RASA3: variants seen among roughly 807,000 people sequenced by gnomAD.
RASA3 encodes RAS p21 protein activator 3.
A neutral mutation model predicts 110.0 loss-of-function variants in RASA3; 73 were observed. That is an observed-to-expected ratio of 0.66 (90% confidence interval 0.55 to 0.81). The LOEUF is 0.81. Among genes scored for constraint, RASA3 ranks in the 30% least tolerant of loss-of-function variants. The pLI, the probability that RASA3 is intolerant of heterozygous loss-of-function variation, is 0.00. For synonymous variants in RASA3, 500 were observed against 451.4 expected, an observed-to-expected ratio of 1.11 and a Z score of -1.37; for missense variants, 976 against 1,113.2, an observed-to-expected ratio of 0.88 and a Z score of 1.75.
intron 1 of RASA3, among the ~76,000 whole-genome samples, chr13:114,081,793 C>G (rs922441886): frequency 6.6e-6 from 1 of 152,150 alleles, no homozygotes; most frequent in Admixed American, 6.5e-5. Context: ...ATGAAGCCGC[C>G]CTTCTGAGTT....
chr13:113,989,475 C>G (rs574590320), intron 22 of RASA3, among the ~76,000 whole-genome samples: 1 of 149,262 alleles, frequency 6.7e-6, no homozygotes, highest in East Asian at 2.0e-4. Flanking sequence ...ATCTGTCCAT[C>G]CACCATCACT....
At chr13:114,038,850 G>A (rs971420638) in intron 4 of RASA3, among the ~76,000 whole-genome samples, 2 of 152,302 alleles carry the variant, frequency 1.3e-5, no homozygotes, top group African/African-American at 2.4e-5. Context: ...CTGAACTTGC[G>A]GGCACAGAGC....
chr13:114,104,845 C>T (rs2080112206), intron 1 of RASA3, among the ~76,000 whole-genome samples: 1 of 151,284 alleles, frequency 6.6e-6, no homozygotes, highest in Non-Finnish European at 1.5e-5. Flanking sequence ...ACCCCTCCCT[C>T]CCCACACACA....
At position 114,016,550 on chromosome 13, in the gene RASA3, C is replaced by T. The variant is rs899691953; in HGVS notation, c.1207-279G>A. Among the ~76,000 whole-genome samples the T allele has an allele frequency of 1.1e-4, 16 of 152,196 alleles. No homozygotes were observed. The East Asian group carries it at 3.1e-3, about 29-fold the overall frequency. On this transcript the variant is annotated intron_variant, in intron 12 of 23. Coordinates refer to ENST00000334062, the MANE Select transcript of RASA3 (RefSeq NM_007368.4). ...GGACAAGTGAGAGGTCAGGCGCAAA[C>T]ACTAGGCACGGGGCCCAGTCCATGG...
chr13:114,115,973 C>T lies in RASA3; in HGVS notation c.55+16462G>A, dbSNP rs1027457539. Among the ~76,000 whole-genome samples, 6 of 152,166 alleles carry T rather than the reference C, an allele frequency of 3.9e-5. No homozygotes were observed. The highest frequency in any genetic ancestry group is 2.9e-5 in the Non-Finnish European group (2 of 68,034). On this transcript the variant is annotated intron_variant, in intron 1 of 23. Transcript: ENST00000334062. This position sits in a 1 kb window ranked among gnomAD's most constrained non-coding sequence, Gnocchi z 5.0. ...AGGCGTCTGCAGTTGAGGCGGGTGA[C>T]GTTCTGGGGTCCCTGGGAAGTTGTC...
intron 6 of RASA3, among the ~76,000 whole-genome samples, 193 bp from the exon 7 acceptor site, chr13:114,027,654 A>G (rs993330324): frequency 6.6e-6 from 1 of 152,236 alleles, no homozygotes; most frequent in African/African-American, 2.4e-5. Context: ...CCCAGCGTGA[A>G]GAGCATGAAG....
chr13:114,051,612 A>T (rs536262036), intron 3 of RASA3, among the ~76,000 whole-genome samples: 1 of 152,298 alleles, frequency 6.6e-6, no homozygotes, highest in Non-Finnish European at 1.5e-5. Context: ...CCAGGGGGAA[A>T]CTGAGGCAAC....
intron 2 of RASA3, among the ~76,000 whole-genome samples, chr13:114,054,950 G>A (rs1431487120): frequency 6.6e-6 from 1 of 152,158 alleles, no homozygotes; most frequent in Non-Finnish European, 1.5e-5. Flanking sequence ...ACAGGCATGT[G>A]TGTGTGGGTG....
At chr13:113,982,322 C>A (rs2052955240) in intron 22 of RASA3, among the ~76,000 whole-genome samples, 1 of 152,216 alleles carries the variant, frequency 6.6e-6, no homozygotes, top group African/African-American at 2.4e-5. Context: ...ACATTTCACA[C>A]CCAGCTGCCA....
intron 1 of RASA3, 102 bp from the exon 2 acceptor site, chr13:114,073,939 C>T (rs1421068434): frequency 9.7e-7 from 1 of 1,032,796 alleles, no homozygotes; most frequent in Non-Finnish European, 1.5e-6. Flanking sequence ...CATTCACTAG[C>T]TCTCTATAAA....
rs1193142839 is a variant in RASA3 at position 114,011,917 on chromosome 13, T to G, written c.1513-669A>C. ...AGCCTGGTGACAGAGCAAGACTCTG[T>G]CTCAAAAAAAAAGAAGTGCTGGGGA... is the stretch of plus-strand genomic sequence containing the variant. On this transcript the variant is annotated intron_variant, in intron 15 of 23. Coordinates refer to ENST00000334062, the MANE Select transcript of RASA3 (RefSeq NM_007368.4). The surrounding 1 kb of genome is among the most constrained non-coding windows in gnomAD (Gnocchi z 4.8). Among the ~76,000 whole-genome samples, 1 of 150,920 alleles carries G rather than the reference T, an allele frequency of 6.6e-6. No individual in the cohort carries two copies. Among genetic ancestry groups the G allele is most frequent in the African/African-American group, 2.4e-5 (1 of 40,894 alleles).
chr13:114,068,417 C>T (rs1287401680), intron 2 of RASA3, among the ~76,000 whole-genome samples: 3 of 152,216 alleles, frequency 2.0e-5, no homozygotes, highest in East Asian at 3.9e-4. Context: ...CACGTCCTTA[C>T]GTGGATGGAA....
chr13:114,058,136 C>A (rs1260393817), intron 2 of RASA3, among the ~76,000 whole-genome samples: 1 of 152,140 alleles, frequency 6.6e-6, no homozygotes, highest in African/African-American at 2.4e-5. Context: ...GGGGCGAGGA[C>A]CGGGATCATC....
intron 18 of RASA3, among the ~76,000 whole-genome samples, chr13:114,002,816 G>A (rs928170802): frequency 1.3e-5 from 2 of 152,182 alleles, no homozygotes; most frequent in African/African-American, 4.8e-5. Flanking sequence ...CGTGTGGGAC[G>A]GGGAGGCAGG....
At position 114,102,858 on chromosome 13, in the gene RASA3, G is replaced by A. The variant is rs557968055; in HGVS notation, c.56-29021C>T. Among the ~76,000 whole-genome samples the A allele has an allele frequency of 2.3e-4, 35 of 152,310 alleles. No homozygotes were observed. The East Asian group carries it at 5.6e-3, about 24-fold the overall frequency. On this transcript the variant is annotated intron_variant, in intron 1 of 23. Transcript: ENST00000334062. ...CTGGGGACGACGGGAAGACCAAGTC[G>A]TCTGTATAATCGCCGTGGGCGCAGC... is the stretch of plus-strand genomic sequence containing the variant.
intron 4 of RASA3, among the ~76,000 whole-genome samples, chr13:114,031,688 T>C (rs1360711948): frequency 6.6e-6 from 1 of 152,172 alleles, no homozygotes; most frequent in Non-Finnish European, 1.5e-5. Context: ...TCCCTGTATT[T>C]GCTCCAGCCT....
intron 3 of RASA3, among the ~76,000 whole-genome samples, chr13:114,043,531 A>C (rs933460117): frequency 6.6e-6 from 1 of 152,060 alleles, no homozygotes; most frequent in African/African-American, 2.4e-5. Flanking sequence ...ACAGGCACTC[A>C]TGGGTTCCTA....
At chr13:114,079,579 T>C (rs187802732) in intron 1 of RASA3, among the ~76,000 whole-genome samples, 4 of 152,338 alleles carry the variant, frequency 2.6e-5, no homozygotes, top group Admixed American at 2.6e-4. Flanking sequence ...CCCGTCTACT[T>C]TGGGCTATTT....
rs761256635 is a variant in RASA3, at chr13:113,979,404, G to A, written c.2448C>T (p.Asp816=). 4 of 1,603,628 alleles carry A rather than the reference G, an allele frequency of 2.5e-6. No individual in the cohort carries two copies. Among genetic ancestry groups the A allele is most frequent in the Non-Finnish European group, 3.4e-6 (4 of 1,170,636 alleles). ...KYGSQEHPIG[D]KSFQNYIRQQ... is the part of the protein sequence containing the mutation. ...GCCGGATGTAGTTCTGGAAGCTCTTGTCTCCGATGGGGTGCTCCCTGAAAA... is the reference window on the plus strand; with the variant it reads ...GCCGGATGTAGTTCTGGAAGCTCTTATCTCCGATGGGGTGCTCCCTGAAAA... The change falls in exon 24 of 24, where the codon GAC becomes GAT. Residue 816 remains aspartate (D), a synonymous_variant. Coordinates refer to ENST00000334062, the MANE Select transcript of RASA3 (RefSeq NM_007368.4).
Sources: allele counts gnomAD v4.1 joint callset (sites outside exome capture counted in the v4.1 genomes callset), GRCh38; gene constraint gnomAD v4.1.1; non-coding constraint Gnocchi (gnomAD v3.1); transcripts MANE v1.5; gene names NCBI Gene and HGNC (gene_info 2026-07-23, HGNC 2026-07-21).